UHRF2: variants seen among roughly 807,000 people sequenced by gnomAD.
The protein encoded by UHRF2 is E3 ubiquitin-protein ligase UHRF2.
UHRF2 carries 23 observed loss-of-function variants against 96.8 expected under a neutral mutation model. That is an observed-to-expected ratio of 0.24 (90% CI 0.17 to 0.34). The LOEUF is 0.34. Among genes scored for constraint, UHRF2 ranks in the 10% least tolerant of loss-of-function variants. The pLI, the probability that UHRF2 is intolerant of heterozygous loss-of-function variation, is 1.00. For synonymous variants in UHRF2, 385 were observed against 332.6 expected (o/e 1.16, Z -1.72); for missense variants, 685 against 981.5 (o/e 0.70, Z 4.04).
At chr9:6,464,995 T>G (rs928637381) in intron 4 of UHRF2, among the ~76,000 whole-genome samples, 67 of 152,340 alleles carry the variant, frequency 4.4e-4, no homozygotes, top group Admixed American at 1.2e-3. Flanking sequence ...TGTTTCAAAA[T>G]GTTTGGAATT....
At chr9:6,445,130 T>TAAAAAAA (rs34294660) in intron 3 of UHRF2, among the ~76,000 whole-genome samples, 1 of 114,144 alleles carries the variant, frequency 8.8e-6, no homozygotes, top group Non-Finnish European at 1.7e-5. Context: ...ATCTCTTATT[T>TAAAAAAA]AAAAAAAAAA....
Position 6,448,373 on chromosome 9 carries a change from T to C in UHRF2, c.645-12200T>C, listed in dbSNP as rs183461517. 3.0e-3 allele frequency among the ~76,000 whole-genome samples: 463 copies of C among 152,350 alleles called. 3 individuals are homozygous for C. Among genetic ancestry groups the C allele is most frequent in the Non-Finnish European group, 3.3e-3 (225 of 68,036 alleles). ...CTATTTAGTTAACATGTAAAAAATA[T>C]TGATTTTACAAACTACATAGTTTCT... is the stretch of plus-strand genomic sequence containing the variant. On this transcript the variant is annotated intron_variant, in intron 3 of 15. Coordinates refer to ENST00000276893, the MANE Select transcript of UHRF2 (RefSeq NM_152896.3).
chr9:6,469,046 T>C (rs981345554), intron 4 of UHRF2, among the ~76,000 whole-genome samples: 11 of 152,100 alleles, frequency 7.2e-5, no homozygotes, highest in Non-Finnish European at 1.6e-4. Flanking sequence ...ATACCAATTA[T>C]GGGAATAGAC....
At chr9:6,440,951 T>C (rs1821127847) in intron 3 of UHRF2, among the ~76,000 whole-genome samples, 1 of 152,200 alleles carries the variant, frequency 6.6e-6, no homozygotes, top group African/African-American at 2.4e-5. Flanking sequence ...TGATTCTATT[T>C]CATTCCCTGT....
intron 1 of UHRF2, chr9:6,415,328 G>T (rs956292332): frequency 2.0e-5 from 3 of 152,198 alleles, no homozygotes; most frequent in African/African-American, 7.2e-5. Flanking sequence ...TCACTACTTG[G>T]GTTTCTTCAG....
At chr9:6,472,078 A>C (rs376962200) in intron 4 of UHRF2, among the ~76,000 whole-genome samples, 55 of 152,208 alleles carry the variant, frequency 3.6e-4, no homozygotes, top group African/African-American at 1.3e-3. Context: ...TGTCACCACT[A>C]ATCAAAACAC....
intron 1 of UHRF2, 37 bp from the exon 2 acceptor site, chr9:6,420,875 T>G: frequency 5.9e-6 from 9 of 1,526,026 alleles, no homozygotes; most frequent in Non-Finnish European, 8.2e-6. Flanking sequence ...AGATACATTT[T>G]AGAGAAGCAT....
chr9:6,413,716 C>G (rs369129216), intron 1 of UHRF2, 73 bp downstream of exon 1: 1 of 1,371,056 alleles, frequency 7.3e-7, no homozygotes, highest in Admixed American at 3.5e-5. Flanking sequence ...CGCACCGGTC[C>G]GAGGGCTCTG....
At chr9:6,495,308 A>T (rs550097236) in intron 10 of UHRF2, 3 of 152,338 alleles carry the variant, frequency 2.0e-5, no homozygotes, top group African/African-American at 7.2e-5. Context: ...TGAAAATGAA[A>T]TATCAACTGA....
At chr9:6,425,010 C>T (rs1024576100) in intron 2 of UHRF2, among the ~76,000 whole-genome samples, 3 of 152,072 alleles carry the variant, frequency 2.0e-5, no homozygotes, top group Non-Finnish European at 4.4e-5. Context: ...CTGATGTGAA[C>T]CTTAATCATC....
At chr9:6,460,113 C>T (rs1269744985) in intron 3 of UHRF2, among the ~76,000 whole-genome samples, 1 of 152,236 alleles carries the variant, frequency 6.6e-6, no homozygotes, top group Non-Finnish European at 1.5e-5. Flanking sequence ...TCTGGGAAGT[C>T]AAATCATGAG....
intron 3 of UHRF2, among the ~76,000 whole-genome samples, chr9:6,447,663 C>G (rs970547220): frequency 3.3e-5 from 5 of 152,106 alleles, no homozygotes; most frequent in South Asian, 2.1e-4. Context: ...CCTTCCTAAA[C>G]CATCCTAGAA....
At chr9:6,433,480 T>A (rs1820668126) in intron 2 of UHRF2, among the ~76,000 whole-genome samples, 2 of 152,244 alleles carry the variant, frequency 1.3e-5, no homozygotes, top group Admixed American at 1.3e-4. Context: ...TTTTTAATAC[T>A]TTACTGTTTT....
At position 6,498,174 on chromosome 9, in the gene UHRF2, T is replaced by C; in HGVS notation, c.1908+16T>C. 1 of 1,611,356 alleles carries C rather than the reference T, an allele frequency of 6.2e-7. No individual in the cohort carries two copies. The highest frequency in any genetic ancestry group is 1.1e-5 in the South Asian group (1 of 90,538). ...ACGTTTACAGGTTAGATTACATTTG[T>C]CTAGGCTGCCTGTGTGTTCATAAAA... On this transcript the variant is annotated intron_variant, in intron 12 of 15. Transcript: ENST00000276893.
intron 3 of UHRF2, among the ~76,000 whole-genome samples, chr9:6,440,610 G>A (rs1473023426): frequency 3.9e-5 from 6 of 152,102 alleles, no homozygotes; most frequent in Non-Finnish European, 7.4e-5. Flanking sequence ...AAGCACACAC[G>A]CAACTTCTAT....
chr9:6,434,578 A>G (rs1202938824), intron 3 of UHRF2, among the ~76,000 whole-genome samples: 2 of 152,012 alleles, frequency 1.3e-5, no homozygotes, highest in African/African-American at 4.8e-5. Context: ...AGCTGGGATT[A>G]CAGGTGCATA....
chr9:6,470,633 A>G (rs767720747), intron 4 of UHRF2, among the ~76,000 whole-genome samples: 3 of 152,160 alleles, frequency 2.0e-5, no homozygotes, highest in Non-Finnish European at 4.4e-5. Context: ...TTTAAAATAT[A>G]CATAGAAAAA....
chr9:6,502,764 G>A (rs1219445732), intron 14 of UHRF2, among the ~76,000 whole-genome samples: 1 of 152,198 alleles, frequency 6.6e-6, no homozygotes, highest in African/African-American at 2.4e-5. Flanking sequence ...AGGAACTGTG[G>A]AAGTACCAGG....
At position 6,480,993 on chromosome 9, in the gene UHRF2, C is replaced by G. The variant is rs548818423; in HGVS notation, c.1161-650C>G. On this transcript the variant is annotated intron_variant, in intron 6 of 15. Transcript: ENST00000276893. Reference sequence around the variant, plus strand: ...GCCATTAGATCTTTGTTAGAGTATTCCCAGAGTTTCCTTTGCTTGGTGACA... The same window carrying G: ...GCCATTAGATCTTTGTTAGAGTATTGCCAGAGTTTCCTTTGCTTGGTGACA... Among the ~76,000 whole-genome samples, 10 of 152,240 alleles carry G rather than the reference C, an allele frequency of 6.6e-5. No homozygotes were observed. The East Asian group carries it at 1.3e-3, about 21-fold the overall frequency.
Sources: gnomAD v4.1 joint callset for allele counts (sites outside exome capture counted in the v4.1 genomes callset) on GRCh38, gnomAD v4.1.1 for gene constraint, MANE v1.5 for transcripts, NCBI Gene and HGNC (gene_info 2026-07-23, HGNC 2026-07-21) for gene names.